LRP1B: variants seen among roughly 807,000 people sequenced by gnomAD.
LRP1B encodes low-density lipoprotein receptor-related protein 1B.
A neutral mutation model predicts 556.6 loss-of-function variants in LRP1B; 217 were observed. The observed-to-expected ratio is 0.39, with a 90% confidence interval of 0.35 to 0.44. LRP1B has a LOEUF of 0.44. Among genes scored for constraint, LRP1B ranks in the 20% least tolerant of loss-of-function variants. The probability of loss-of-function intolerance (pLI) is 1.00; values close to 1 mark genes in which losing one functional copy is unlikely to be tolerated. For missense variants in LRP1B, 5,053 were observed against 5,620.8 expected, an observed-to-expected ratio of 0.90 and a Z score of 3.23; for synonymous variants, 2,047 against 1,865.8, an observed-to-expected ratio of 1.10 and a Z score of -2.50.
Position 140,506,913 on chromosome 2 carries a change from T to G in LRP1B, c.8404A>C (p.Asn2802His). ...AAAGCATTTTCATCACATGTATTAT[T>G]GGGAGCTAAGAAAGGCATCACAAAA... The part of the protein sequence containing the change: ...DELSTAGCAP[N>H]NTCDENAFMC... Residue 2802 changes from asparagine to histidine, a missense_variant, in exon 53 of 91, where the codon AAT (asparagine) becomes CAT (histidine). By Grantham distance (68) the Asn-to-His change is moderately conservative (BLOSUM62 1). This residue lies in a region of LRP1B where 3,619 missense variants were observed against 3,931.9 expected (regional missense o/e 0.92). Coordinates refer to ENST00000389484, the MANE Select transcript of LRP1B (RefSeq NM_018557.3). 1 of 1,613,666 alleles carries G rather than the reference T, an allele frequency of 6.2e-7. No homozygotes were observed. Among genetic ancestry groups the G allele is most frequent in the South Asian group, 1.1e-5 (1 of 90,998 alleles).
intron 7 of LRP1B, among the ~76,000 whole-genome samples, chr2:141,122,655 C>G (rs1701089969): frequency 6.6e-6 from 1 of 152,086 alleles, no homozygotes; most frequent in African/African-American, 2.4e-5. Flanking sequence ...GTTGGTGGGA[C>G]TGTAAACTAG....
At chr2:141,794,813 C>G (rs546154608) in intron 2 of LRP1B, among the ~76,000 whole-genome samples, 1 of 151,966 alleles carries the variant, frequency 6.6e-6, no homozygotes, top group East Asian at 1.9e-4. Context: ...TAAAACTGTC[C>G]TCAGGAAATT....
At chr2:141,554,269 A>G (rs34580805) in intron 2 of LRP1B, among the ~76,000 whole-genome samples, 47,385 of 109,368 alleles carry the variant, frequency 0.43, 9,238 homozygotes, top group Non-Finnish European at 0.55. Flanking sequence ...TAGATTATAT[A>G]TATCTATAGG....
At chr2:141,618,462 A>G (rs2105332288) in intron 2 of LRP1B, among the ~76,000 whole-genome samples, 1 of 152,352 alleles carries the variant, frequency 6.6e-6, no homozygotes, top group Middle Eastern at 3.4e-3. Flanking sequence ...TTGAACATAC[A>G]GGGAAACATA....
intron 83 of LRP1B, among the ~76,000 whole-genome samples, chr2:140,312,853 G>T (rs187830465): frequency 1.3e-5 from 2 of 151,806 alleles, no homozygotes; most frequent in African/African-American, 4.8e-5. Flanking sequence ...ATGCCTCAAC[G>T]ATGTGTACTT....
At chr2:140,642,241 C>A (rs1299658713) in intron 41 of LRP1B, among the ~76,000 whole-genome samples, 1 of 152,172 alleles carries the variant, frequency 6.6e-6, no homozygotes. Context: ...CCTAACTATT[C>A]AAGGGAGGGT....
chr2:140,769,126 A>G (rs1689215040), intron 35 of LRP1B, 87 bp downstream of exon 35: 1 of 1,242,966 alleles, frequency 8.0e-7, no homozygotes. Context: ...TGACTATTAA[A>G]GCACAGAGGA....
chr2:141,206,913 C>T (rs1408606362), intron 6 of LRP1B, among the ~76,000 whole-genome samples: 1 of 152,146 alleles, frequency 6.6e-6, no homozygotes, highest in Non-Finnish European at 1.5e-5. Context: ...TCCTGGGTGA[C>T]AAGAAGTAGT....
intron 2 of LRP1B, among the ~76,000 whole-genome samples, chr2:141,656,947 A>G (rs1339589438): frequency 6.6e-6 from 1 of 152,138 alleles, no homozygotes; most frequent in African/African-American, 2.4e-5. Flanking sequence ...AAGTAGGACA[A>G]TGTAAGAGAA....
Position 140,358,117 on chromosome 2 carries a change from C to T in LRP1B, c.11258-1G>A, listed in dbSNP as rs2105135572. 2.5e-6 allele frequency: 4 copies of T among 1,609,168 alleles called. No homozygotes were observed. The highest frequency in any genetic ancestry group is 2.5e-6 in the Non-Finnish European group (3 of 1,176,926). ...GGCCTTGCTTTATATGTCAGCTTAC[C>T]TATAGAGTCATACAAAAAATGATTA... On this transcript the variant is annotated splice_acceptor_variant, in intron 73 of 90. Coordinates refer to ENST00000389484, the MANE Select transcript of LRP1B (RefSeq NM_018557.3). LOFTEE classifies it high-confidence loss of function.
chr2:140,419,794 G>A (rs1389011328), intron 66 of LRP1B, among the ~76,000 whole-genome samples: 2 of 152,120 alleles, frequency 1.3e-5, no homozygotes, highest in Non-Finnish European at 2.9e-5. Context: ...GATCACTTGA[G>A]GTCAGGAGTT....
At chr2:140,623,329 T>G (rs911897807) in intron 41 of LRP1B, among the ~76,000 whole-genome samples, 2 of 152,168 alleles carry the variant, frequency 1.3e-5, no homozygotes, top group African/African-American at 4.8e-5. Context: ...GCAATAAAGT[T>G]GACCCCCTTA....
intron 18 of LRP1B, among the ~76,000 whole-genome samples, chr2:140,959,408 A>G (rs1483377912): frequency 6.6e-6 from 1 of 151,694 alleles, no homozygotes; most frequent in Non-Finnish European, 1.5e-5. Flanking sequence ...CACAACAGAA[A>G]AATCTTCCAA....
intron 3 of LRP1B, among the ~76,000 whole-genome samples, chr2:141,371,035 G>A (rs545382756): frequency 2.0e-5 from 3 of 152,232 alleles, no homozygotes; most frequent in African/African-American, 7.2e-5. Context: ...CCAGGCTGGA[G>A]TGCAGTGGCG....
At chr2:140,557,931 T>A (rs971700232) in intron 43 of LRP1B, among the ~76,000 whole-genome samples, 2 of 152,182 alleles carry the variant, frequency 1.3e-5, no homozygotes, top group African/African-American at 4.8e-5. Flanking sequence ...TAGGGATCTC[T>A]TTCTGTGCAG....
chr2:141,005,915 G>A (rs1168272354), intron 14 of LRP1B, among the ~76,000 whole-genome samples: 1 of 151,944 alleles, frequency 6.6e-6, no homozygotes, highest in African/African-American at 2.4e-5. Flanking sequence ...GCAGTGTATT[G>A]AGGACTCCAG....
chr2:141,658,744 ATTGT>A (rs1157368402), intron 2 of LRP1B, among the ~76,000 whole-genome samples: 8 of 152,072 alleles, frequency 5.3e-5, no homozygotes, highest in Admixed American at 2.0e-4. Flanking sequence ...AAATCTTATC[ATTGT>A]TTGTTTTTAA....
At chr2:140,965,040 C>T (rs16845037) in intron 18 of LRP1B, among the ~76,000 whole-genome samples, 32,547 of 152,080 alleles carry the variant, frequency 0.21, 3,619 homozygotes, top group Middle Eastern at 0.28. Context: ...GGCAGAGACT[C>T]AATAACCATC....
At chr2:141,411,903 T>C (rs1225754258) in intron 3 of LRP1B, among the ~76,000 whole-genome samples, 1 of 152,166 alleles carries the variant, frequency 6.6e-6, no homozygotes, top group Non-Finnish European at 1.5e-5. Flanking sequence ...TAAATCCTTA[T>C]TTCTGAAGGA....
Sources: gnomAD v4.1 joint callset for allele counts (sites outside exome capture counted in the v4.1 genomes callset) on GRCh38, gnomAD v4.1.1 for gene constraint, gnomAD v4.1.1 regional missense constraint, MANE v1.5 for transcripts, NCBI Gene and HGNC (gene_info 2026-07-23, HGNC 2026-07-21) for gene names.